The following OR2A14 variants were observed in gnomAD, a reference collection of about 807,000 sequenced individuals.
The protein encoded by OR2A14 is olfactory receptor 2A14.
Under a neutral mutation model 2.4 loss-of-function variants are expected in OR2A14, and 2 were observed. The ratio of observed to expected loss-of-function variants is 0.85; its 90% CI spans 0.35 to 2.67. The LOEUF (loss-of-function observed/expected upper bound fraction) is 2.67. OR2A14 is among the 30% of genes most tolerant of loss of function. OR2A14 has a pLI of 0.10. For synonymous variants in OR2A14, 160 were observed against 156.3 expected (o/e 1.02, Z -0.18); for missense variants, 390 against 379.4 (o/e 1.03, Z -0.23).
chr7:144,123,942 G>A (rs1158246703), intron 1 of OR2A14, among the ~76,000 whole-genome samples: 1 of 151,986 alleles, frequency 6.6e-6, no homozygotes, highest in African/African-American at 2.4e-5. Context: ...CTTAACGATG[G>A]TTCTCATATC....
rs753567800 is a variant in OR2A14 at position 144,129,304 on chromosome 7, C to G, written c.192C>G (p.His64Gln). 209 of 1,614,068 alleles carry G rather than the reference C, an allele frequency of 1.3e-4. No homozygotes were observed. Among genetic ancestry groups the G allele is most frequent in the Non-Finnish European group, 1.7e-4 (198 of 1,180,036 alleles). ...CACCCATGTACTTCTTCCTCTCACA[C>G]CTGGCCATTGTTGACATATCCTATG... Reference protein sequence around the residue: ...LHTPMYFFLSHLAIVDISYAS... With the variant: ...LHTPMYFFLSQLAIVDISYAS... Residue 64 changes from histidine (H) to glutamine (Q), a missense_variant, in exon 2 of 2, where the codon CAC becomes CAG. Coordinates refer to ENST00000641068, the MANE Select transcript of OR2A14 (RefSeq NM_001001659.3).
At position 144,129,454 on chromosome 7, in the gene OR2A14, G is replaced by A. The variant is rs545498324; in HGVS notation, c.342G>A (p.Leu114=). 2.5e-6 allele frequency: 4 copies of A among 1,613,982 alleles called. No individual in the cohort carries two copies. In the African/African-American group the frequency reaches 4.0e-5, roughly 16 times the overall value. Reference sequence around the variant, plus strand: ...TTGCTCACGTAGAGTGTCTGATTTTGGTGGTGATGTCCTATGATCGCTATG... The same window carrying A: ...TTGCTCACGTAGAGTGTCTGATTTTAGTGGTGATGTCCTATGATCGCTATG... ...LAFAHVECLI[L]VVMSYDRYAD... The change falls in exon 2 of 2, where the codon TTG becomes TTA. Residue 114 remains leucine, a synonymous_variant. Transcript: ENST00000641068.
chr7:144,128,919 T>C lies in OR2A14; in HGVS notation c.-34-160T>C. 5 of 578,646 alleles carry C rather than the reference T, an allele frequency of 8.6e-6. No individual in the cohort carries two copies. In the South Asian group the frequency reaches 1.1e-4, roughly 13 times the overall value. The allele number at this position is 578,646 out of a possible 1,614,324, so 35.8% of individuals were successfully genotyped here. On this transcript the variant is annotated intron_variant, in intron 1 of 1. Transcript: ENST00000641068. ...ACAAATATATATACACATATACATG[T>C]ATGTATTCTTATTATTCCATTGATA...
In OR2A14 at chr7:144,130,681, G is replaced by T; in HGVS notation, c.*636G>T. The T allele has an allele frequency of 6.6e-6, 1 of 152,186 alleles. No homozygotes were observed. Among genetic ancestry groups the T allele is most frequent in the Non-Finnish European group, 1.5e-5 (1 of 68,086 alleles). 9.4% of individuals were successfully genotyped at this position (152,186 alleles called of 1,614,324 possible). ...TATTGGAAATCTATTTCTAATATTG[G>T]AAATGGTCGATACTAGCAGAGTTTG... On this transcript the variant is annotated 3_prime_UTR_variant, in exon 2 of 2. Transcript: ENST00000641068.
intron 1 of OR2A14, 44 bp from the exon 2 acceptor site, chr7:144,129,035 T>C (rs2128807320): frequency 1.7e-6 from 2 of 1,148,546 alleles, no homozygotes; most frequent in Admixed American, 2.5e-5. Flanking sequence ...TTCAAAGTTA[T>C]AATTTCTAAG....
intron 1 of OR2A14, 80 bp from the exon 2 acceptor site, chr7:144,128,998 AT>A: frequency 1.1e-6 from 1 of 878,436 alleles, no homozygotes; most frequent in Non-Finnish European, 1.7e-6. Flanking sequence ...TTGGCAACAT[AT>A]CTGAGAATAA....
intron 1 of OR2A14, among the ~76,000 whole-genome samples, chr7:144,125,531 G>A (rs2371246): frequency 0.53 from 80,805 of 152,042 alleles, 21,829 homozygotes; most frequent in East Asian, 0.74. Context: ...CTCTTATACT[G>A]TATATTTGTT....
rs1279844099 is a variant in OR2A14, at chr7:144,129,442, G to A, written c.330G>A (p.Glu110=). The A allele has an allele frequency of 6.2e-7, 1 of 1,614,008 alleles. No homozygotes were observed. The highest frequency in any genetic ancestry group is 1.7e-5 in the Admixed American group (1 of 60,006). Residue 110 remains glutamate (E), a synonymous_variant, in exon 2 of 2, where the codon GAG becomes GAA. Transcript: ENST00000641068. ...TFLYLAFAHV[E]CLILVVMSYD... ...TGTATTTGGCTTTTGCTCACGTAGA[G>A]TGTCTGATTTTGGTGGTGATGTCCT...
intron 1 of OR2A14, among the ~76,000 whole-genome samples, chr7:144,123,695 C>A (rs1419344217): frequency 1.3e-5 from 2 of 152,172 alleles, no homozygotes; most frequent in Non-Finnish European, 2.9e-5. Flanking sequence ...GGTTTGCTTA[C>A]CCAGGGATGT....
chr7:144,128,641 C>T (rs555294260), intron 1 of OR2A14, among the ~76,000 whole-genome samples: 1 of 152,152 alleles, frequency 6.6e-6, no homozygotes, highest in Non-Finnish European at 1.5e-5. Flanking sequence ...ACAGAGGGTC[C>T]CCGTCCCTGC....
In OR2A14 at chr7:144,129,956, C is replaced by A. The variant is rs780349556; in HGVS notation, c.844C>A (p.Pro282Thr). ...VLSLFYSLFNPMLNPLIYSLR... is the reference protein window; with the variant it reads ...VLSLFYSLFNTMLNPLIYSLR... ...TTCCCTGTTTTACAGCCTTTTCAAT[C>A]CAATGCTGAACCCCCTGATATATAG... Residue 282 changes from proline (P) to threonine (T), a missense_variant, in exon 2 of 2, where the codon CCA becomes ACA. Physicochemically the swap from Pro to Thr is conservative, Grantham distance 38. Coordinates refer to ENST00000641068, the MANE Select transcript of OR2A14 (RefSeq NM_001001659.3). The A allele has an allele frequency of 6.2e-7, 1 of 1,614,214 alleles. No individual in the cohort carries two copies.
At position 144,131,050 on chromosome 7, in the gene OR2A14, A is replaced by T. The variant is rs1265720007; in HGVS notation, c.*1005A>T. On this transcript the variant is annotated 3_prime_UTR_variant, in exon 2 of 2. Coordinates refer to ENST00000641068, the MANE Select transcript of OR2A14 (RefSeq NM_001001659.3). ...CTCACTGGGTGGGGCCTCAGGGAGC[A>T]TGTGATTAGACATGTCTTGCAGTCA... The T allele has an allele frequency of 2.0e-5, 3 of 152,224 alleles. No homozygotes were observed. Among genetic ancestry groups the T allele is most frequent in the Admixed American group, 2.0e-4 (3 of 15,284 alleles). The allele number at this position is 152,224 out of a possible 1,614,324, so 9.4% of individuals were successfully genotyped here.
rs966626985 is a variant in OR2A14, at chr7:144,123,228, G to A, written c.-71G>A. 3 of 152,174 alleles carry A rather than the reference G, an allele frequency of 2.0e-5. No homozygotes were observed. The highest frequency in any genetic ancestry group is 4.8e-5 in the African/African-American group (2 of 41,404). The allele number at this position is 152,174 out of a possible 1,614,324, so 9.4% of individuals were successfully genotyped here. ...TCTTTGAGGTTCCTAGCAAGCCCAA[G>A]GGTATGTTAGAAGAAAAGACCACAG... On this transcript the variant is annotated 5_prime_UTR_variant, in exon 1 of 2. Coordinates refer to ENST00000641068, the MANE Select transcript of OR2A14 (RefSeq NM_001001659.3).
rs770597478 is a variant in OR2A14, at chr7:144,129,560, T to C, written c.448T>C (p.Phe150Leu). The C allele has an allele frequency of 1.2e-6, 2 of 1,614,166 alleles. No homozygotes were observed. The highest frequency in any genetic ancestry group is 8.5e-7 in the Non-Finnish European group (1 of 1,180,006). Residue 150 changes from phenylalanine to leucine, a missense_variant, in exon 2 of 2, where the codon TTC becomes CTC. Phe to Leu is a conservative substitution (Grantham distance 22). Coordinates refer to ENST00000641068, the MANE Select transcript of OR2A14 (RefSeq NM_001001659.3). ...CTVLAVASWV[F>L]SFLLALVPLV... ...TGTCCTGGCTGTGGCTTCCTGGGTGTTCAGCTTCCTCCTGGCTCTGGTCCC... is the reference window on the plus strand; with the variant it reads ...TGTCCTGGCTGTGGCTTCCTGGGTGCTCAGCTTCCTCCTGGCTCTGGTCCC...
In OR2A14 at chr7:144,129,165, T is replaced by A; in HGVS notation, c.53T>A (p.Val18Asp). Reference protein sequence around the residue: ...ITDITLPRFQVGPALEILLCG... With the variant: ...ITDITLPRFQDGPALEILLCG... ...GACATCACCTTGCCGCGATTCCAGG[T>A]TGGTCCAGCACTGGAGATTCTCCTC... Residue 18 changes from valine to aspartate, a missense_variant, in exon 2 of 2, where the codon GTT becomes GAT. Coordinates refer to ENST00000641068, the MANE Select transcript of OR2A14 (RefSeq NM_001001659.3). The A allele has an allele frequency of 6.2e-7, 1 of 1,612,582 alleles. No homozygotes were observed. The highest frequency in any genetic ancestry group is 8.5e-7 in the Non-Finnish European group (1 of 1,180,024).
chr7:144,129,227 C>G lies in OR2A14; in HGVS notation c.115C>G (p.Leu39Val), dbSNP rs1428401332. ...CTCTGCCTTCTATACACTCACCCTGCTGGGGAATGGGGTCATCTTTGGGAT... is the reference window on the plus strand; with the variant it reads ...CTCTGCCTTCTATACACTCACCCTGGTGGGGAATGGGGTCATCTTTGGGAT... ...LFSAFYTLTL[L>V]GNGVIFGIIC... Residue 39 changes from leucine to valine, a missense_variant, in exon 2 of 2, where the codon CTG (leucine) becomes GTG (valine). Physicochemically the swap from Leu to Val is conservative, Grantham distance 32. Coordinates refer to ENST00000641068, the MANE Select transcript of OR2A14 (RefSeq NM_001001659.3). 1.2e-6 allele frequency: 2 copies of G among 1,614,062 alleles called. No homozygotes were observed. The highest frequency in any genetic ancestry group is 4.5e-5 in the East Asian group (2 of 44,850).
At position 144,130,655 on chromosome 7, in the gene OR2A14, T is replaced by C. The variant is rs1441885198; in HGVS notation, c.*610T>C. 6.6e-6 allele frequency: 1 copy of C among 152,210 alleles called. No individual in the cohort carries two copies. Among genetic ancestry groups the C allele is most frequent in the African/African-American group, 2.4e-5 (1 of 41,418 alleles). The allele number at this position is 152,210 out of a possible 1,614,324, so 9.4% of individuals were successfully genotyped here. The stretch of plus-strand genomic sequence containing the variant: ...TTTAATGGCTTATTTATCATTGAGG[T>C]TATTGGAAATCTATTTCTAATATTG... On this transcript the variant is annotated 3_prime_UTR_variant, in exon 2 of 2. Coordinates refer to ENST00000641068, the MANE Select transcript of OR2A14 (RefSeq NM_001001659.3).
Position 144,129,790 on chromosome 7 carries a change from G to A in OR2A14, c.678G>A (p.Arg226=), listed in dbSNP as rs1392711234. 5 of 1,613,960 alleles carry A rather than the reference G, an allele frequency of 3.1e-6. No individual in the cohort carries two copies. Among genetic ancestry groups the A allele is most frequent in the Non-Finnish European group, 4.2e-6 (5 of 1,180,048 alleles). Reference sequence around the variant, plus strand: ...TGCGCATCCTGGCCGCCATCTTGAGGATCCAGTCTGGGGAGGGCCGCAGAA... The same window carrying A: ...TGCGCATCCTGGCCGCCATCTTGAGAATCCAGTCTGGGGAGGGCCGCAGAA... ...SYLRILAAIL[R]IQSGEGRRKA... is the part of the protein sequence containing the mutation. Residue 226 remains arginine (R), a synonymous_variant, in exon 2 of 2, where the codon AGG becomes AGA. Coordinates refer to ENST00000641068, the MANE Select transcript of OR2A14 (RefSeq NM_001001659.3).
chr7:144,128,144 AAGT>A (rs1326261990), intron 1 of OR2A14, among the ~76,000 whole-genome samples: 3 of 152,212 alleles, frequency 2.0e-5, no homozygotes. Flanking sequence ...TCACACTGGA[AAGT>A]AAGATAAGCT....
Sources: allele counts gnomAD v4.1 joint callset (sites outside exome capture counted in the v4.1 genomes callset), GRCh38; gene constraint gnomAD v4.1.1; transcripts MANE v1.5; gene names NCBI Gene and HGNC (gene_info 2026-07-23, HGNC 2026-07-21).